PRDM16: variants seen among roughly 807,000 people sequenced by gnomAD.
PRDM16 encodes histone-lysine N-methyltransferase PRDM16.
Under a neutral mutation model 110.6 loss-of-function variants are expected in PRDM16, and 23 were observed. The ratio of observed to expected loss-of-function variants is 0.21; its 90% CI spans 0.15 to 0.29. The LOEUF is 0.29. Among genes scored for constraint, PRDM16 ranks in the 10% least tolerant of loss-of-function variants. The pLI, the probability that PRDM16 is intolerant of heterozygous loss-of-function variation, is 1.00. For missense variants in PRDM16, 1,615 were observed against 1,794.3 expected (o/e 0.90, Z 1.81); for synonymous variants, 799 against 781.8 (o/e 1.02, Z -0.37).
At chr1:3,188,390 G>T (rs1002703388) in intron 2 of PRDM16, among the ~76,000 whole-genome samples, 6 of 152,190 alleles carry the variant, frequency 3.9e-5, no homozygotes, top group Admixed American at 3.9e-4. Flanking sequence ...TAAAGAAATG[G>T]CCCGTATCAC....
chr1:3,373,407 C>T (rs1333189), intron 3 of PRDM16, among the ~76,000 whole-genome samples: 82,520 of 151,650 alleles, frequency 0.54, 24,572 homozygotes, highest in African/African-American at 0.78. Context: ...ACTCCAGACA[C>T]CTCCTCGGGG....
intron 15 of PRDM16, 137 bp downstream of exon 15, chr1:3,431,245 CCA>C: frequency 7.2e-7 from 1 of 1,383,386 alleles, no homozygotes; most frequent in Non-Finnish European, 9.6e-7. Flanking sequence ...CTCAGGGCCT[CCA>C]CACACAGGCC....
intron 1 of PRDM16, among the ~76,000 whole-genome samples, chr1:3,078,769 G>A (rs1019430221): frequency 5.3e-5 from 8 of 152,240 alleles, no homozygotes; most frequent in African/African-American, 1.9e-4. Context: ...GCTCTTGCCC[G>A]TGACATGGTT....
rs1033597032 is a variant in PRDM16 at position 3,213,971 on chromosome 1, C to T, written c.387+27497C>T. Among the ~76,000 whole-genome samples, 4 of 152,078 alleles carry T rather than the reference C, an allele frequency of 2.6e-5. No individual in the cohort carries two copies. The highest frequency in any genetic ancestry group is 4.4e-5 in the Non-Finnish European group (3 of 68,014). On this transcript the variant is annotated intron_variant, in intron 2 of 16. Transcript: ENST00000270722. This position sits in a 1 kb window ranked among gnomAD's most constrained non-coding sequence, Gnocchi z 5.3. ...CCAAGCAGAACGGCCAGGCAAGCTG[C>T]GCCCAGACACATGTCGGAGTCTCGT... is the stretch of plus-strand genomic sequence containing the variant.
chr1:3,311,204 A>C (rs1641450858), intron 3 of PRDM16, among the ~76,000 whole-genome samples: 1 of 152,188 alleles, frequency 6.6e-6, no homozygotes, highest in Non-Finnish European at 1.5e-5. Context: ...AATAGAAACC[A>C]GAGCTCTCCT....
intron 2 of PRDM16, among the ~76,000 whole-genome samples, chr1:3,217,410 A>G (rs1158833082): frequency 6.6e-6 from 1 of 152,158 alleles, no homozygotes; most frequent in African/African-American, 2.4e-5. Context: ...GGGAGCAGGG[A>G]TCTCATGGGA....
At chr1:3,299,346 T>C (rs1321962206) in intron 3 of PRDM16, among the ~76,000 whole-genome samples, 2 of 96,056 alleles carry the variant, frequency 2.1e-5, no homozygotes, top group Non-Finnish European at 4.8e-5. Context: ...TTGTTGAAGA[T>C]GCTATGCTGT....
chr1:3,130,227 C>A (rs189108617), intron 1 of PRDM16, among the ~76,000 whole-genome samples: 1 of 152,140 alleles, frequency 6.6e-6, no homozygotes, highest in African/African-American at 2.4e-5. Flanking sequence ...ACCTGGAGGC[C>A]GACTGCCAGA....
At chr1:3,142,080 C>T (rs910608939) in intron 1 of PRDM16, among the ~76,000 whole-genome samples, 1 of 152,264 alleles carries the variant, frequency 6.6e-6, no homozygotes. Context: ...GCTGGGAGCA[C>T]TTCTGAAAAC....
intron 3 of PRDM16, among the ~76,000 whole-genome samples, chr1:3,355,380 T>A (rs1642574546): frequency 6.6e-6 from 1 of 152,082 alleles, no homozygotes; most frequent in Admixed American, 6.5e-5. Context: ...CAACACAGCT[T>A]CTCTTTCCAT....
chr1:3,342,967 CA>C (rs1642300424), intron 3 of PRDM16, among the ~76,000 whole-genome samples: 1 of 152,092 alleles, frequency 6.6e-6, no homozygotes, highest in Non-Finnish European at 1.5e-5. Flanking sequence ...CATGTGCAAG[CA>C]TTGTGTGGAC....
intron 3 of PRDM16, among the ~76,000 whole-genome samples, chr1:3,250,462 C>T (rs1188112268): frequency 6.6e-6 from 1 of 152,060 alleles, no homozygotes; most frequent in African/African-American, 2.4e-5. Flanking sequence ...ACCCTTTTGC[C>T]GCCGCCCCCC....
chr1:3,430,842 C>T (rs761522814), intron 14 of PRDM16, 30 bp from the exon 15 acceptor site: 55 of 1,609,772 alleles, frequency 3.4e-5, no homozygotes, highest in African/African-American at 9.3e-5. Flanking sequence ...GACACCCAAA[C>T]TCAGTCAATC....
At chr1:3,125,081 T>A (rs953041434) in intron 1 of PRDM16, among the ~76,000 whole-genome samples, 11 of 152,218 alleles carry the variant, frequency 7.2e-5, no homozygotes, top group African/African-American at 2.7e-4. Context: ...CCAACTACAG[T>A]TCTGGCGAGT....
At chr1:3,406,753 TAAATA>T (rs1310113077) in intron 8 of PRDM16, among the ~76,000 whole-genome samples, 1 of 151,718 alleles carries the variant, frequency 6.6e-6, no homozygotes, top group Non-Finnish European at 1.5e-5. Flanking sequence ...GAAATAAAAA[TAAATA>T]AGAGAAAGGT....
chr1:3,291,119 G>A (rs1640964448), intron 3 of PRDM16, among the ~76,000 whole-genome samples: 1 of 151,988 alleles, frequency 6.6e-6, no homozygotes, highest in African/African-American at 2.4e-5. Flanking sequence ...TTCCTGATGT[G>A]ATACTTAGGT....
intron 2 of PRDM16, among the ~76,000 whole-genome samples, chr1:3,235,621 C>A (rs1392654314): frequency 6.6e-6 from 1 of 152,346 alleles, no homozygotes; most frequent in South Asian, 2.1e-4. Flanking sequence ...GTCACCCCCA[C>A]CCGCTCTCAC....
chr1:3,402,193 T>TG (rs546916265), intron 5 of PRDM16, among the ~76,000 whole-genome samples: 14 of 151,770 alleles, frequency 9.2e-5, no homozygotes, highest in African/African-American at 2.9e-4. Context: ...GGCATCTTGT[T>TG]GGGGGGGTCT....
At chr1:3,362,654 C>A (rs1053958885) in intron 3 of PRDM16, among the ~76,000 whole-genome samples, 2 of 152,154 alleles carry the variant, frequency 1.3e-5, no homozygotes, top group Admixed American at 6.5e-5. Context: ...CATCAGAACT[C>A]TCTGGAAGCA....
Sources: allele counts gnomAD v4.1 joint callset (sites outside exome capture counted in the v4.1 genomes callset), GRCh38; gene constraint gnomAD v4.1.1; non-coding constraint Gnocchi (gnomAD v3.1); transcripts MANE v1.5; gene names NCBI Gene and HGNC (gene_info 2026-07-23, HGNC 2026-07-21).